TTBK1: variants seen among roughly 807,000 people sequenced by gnomAD.
TTBK1 encodes the protein tau-tubulin kinase 1.
In TTBK1, 34 loss-of-function variants were observed where a neutral mutation model predicts 108.5. That is an observed-to-expected ratio of 0.31 (90% CI 0.24 to 0.42). The LOEUF is 0.42. Among genes scored for constraint, TTBK1 ranks in the 10% least tolerant of loss-of-function variants. The pLI is 1.00. For missense variants in TTBK1, 1,539 were observed against 1,826.0 expected (o/e 0.84, Z 2.86); for synonymous variants, 809 against 795.1 (o/e 1.02, Z -0.29).
Position 43,259,661 on chromosome 6 carries a change from A to C in TTBK1, c.1379A>C (p.Glu460Ala), listed in dbSNP as rs931663779. 3 of 1,608,156 alleles carry C rather than the reference A, an allele frequency of 1.9e-6. No individual in the cohort carries two copies. The South Asian group carries it at 3.3e-5, about 18-fold the overall frequency. Residue 460 changes from glutamate (E) to alanine (A), a missense_variant, in exon 12 of 15, where the codon GAA becomes GCA. By Grantham distance (107) the Glu-to-Ala change is moderately radical. Transcript: ENST00000259750. This position sits in a 1 kb window ranked among gnomAD's most constrained non-coding sequence, Gnocchi z 6.7. Reference sequence around the variant, plus strand: ...CGGAGGGTGAACAGCCCTGAGTCAGAAAGGCTGTCCACGGCGGACGGGCGA... The same window carrying C: ...CGGAGGGTGAACAGCCCTGAGTCAGCAAGGCTGTCCACGGCGGACGGGCGA... ...RYRRVNSPES[E>A]RLSTADGRVE...
chr6:43,269,991 G>A lies in TTBK1; in HGVS notation c.1986+6641G>A. The A allele has an allele frequency of 1.4e-6, 2 of 1,429,234 alleles. No individual in the cohort carries two copies. Among genetic ancestry groups the A allele is most frequent in the Non-Finnish European group, 1.8e-6 (2 of 1,096,358 alleles). 88.5% of individuals were successfully genotyped at this position (1,429,234 alleles called of 1,614,324 possible). A position where few individuals can be genotyped will look rare whatever the true frequency, so the allele number is the denominator to read the frequency against. The stretch of plus-strand genomic sequence containing the variant: ...CTCCTGGAGGGGGCAGGTGGGGGGG[G>A]GTGGGGAGCAGGCAGAGGACCATGG... On this transcript the variant is annotated intron_variant, in intron 13 of 14. Coordinates refer to ENST00000259750, the MANE Select transcript of TTBK1 (RefSeq NM_032538.3). The surrounding 1 kb of genome is among the most constrained non-coding windows in gnomAD (Gnocchi z 4.8).
chr6:43,278,368 G>C (rs1258594593), intron 13 of TTBK1, among the ~76,000 whole-genome samples: 1 of 152,098 alleles, frequency 6.6e-6, no homozygotes, highest in Non-Finnish European at 1.5e-5. Context: ...CATTCTCTCT[G>C]AGGGTATCAG....
intron 14 of TTBK1, 82 bp downstream of exon 14, chr6:43,284,394 C>CTTCTCCAGAACCAAGGTG (rs1562103076): frequency 7.2e-7 from 1 of 1,381,090 alleles, no homozygotes; most frequent in African/African-American, 2.4e-5. Flanking sequence ...GAACCAAGGT[C>CTTCTCCAGAACCAAGGTG]AGGGGCTATG....
At chr6:43,271,179 C>A in intron 13 of TTBK1, 1 of 985,480 alleles carries the variant, frequency 1.0e-6, no homozygotes, top group Non-Finnish European at 1.2e-6. Context: ...AGGGCCGTGC[C>A]TGTATGGGGA....
At position 43,270,960 on chromosome 6, in the gene TTBK1, C is replaced by G. The variant is rs751400303; in HGVS notation, c.1986+7610C>G. 1.8e-4 allele frequency: 179 copies of G among 985,374 alleles called. 2 individuals are homozygous for G. Among genetic ancestry groups the G allele is most frequent in the Non-Finnish European group, 2.1e-4 (173 of 829,966 alleles). The allele number at this position is 985,374 out of a possible 1,614,324, so 61.0% of individuals were successfully genotyped here. A position where few individuals can be genotyped will look rare whatever the true frequency, so the allele number is the denominator to read the frequency against. ...AGCCCCAAGGGCGGTGGTGAAGACACAGCAGAAGAGAGGCAGGTTGGATAG... is the reference window on the plus strand; with the variant it reads ...AGCCCCAAGGGCGGTGGTGAAGACAGAGCAGAAGAGAGGCAGGTTGGATAG... On this transcript the variant is annotated intron_variant, in intron 13 of 14. Transcript: ENST00000259750.
At chr6:43,255,673 G>T (rs745583278) in intron 8 of TTBK1, 29 bp downstream of exon 8, 2 of 1,614,142 alleles carry the variant, frequency 1.2e-6, no homozygotes, top group Non-Finnish European at 1.7e-6. Flanking sequence ...GGTCTGAGGT[G>T]GCAGAAGGAG....
chr6:43,246,659 G>C lies in TTBK1; in HGVS notation c.-2G>C. 6.3e-7 allele frequency: 1 copy of C among 1,598,356 alleles called. No homozygotes were observed. Among genetic ancestry groups the C allele is most frequent in the Non-Finnish European group, 8.5e-7 (1 of 1,171,636 alleles). ...GCGGACACCCCTCCCTCTGGCTGGC[G>C]GATGCAGTGCCTAGCGGCCGCCCTT... On this transcript the variant is annotated 5_prime_UTR_variant, in exon 2 of 15. Transcript: ENST00000259750.
At position 43,284,190 on chromosome 6, in the gene TTBK1, C is replaced by G; in HGVS notation, c.3450C>G (p.Ala1150=). 1 of 1,574,020 alleles carries G rather than the reference C, an allele frequency of 6.4e-7. No individual in the cohort carries two copies. Among genetic ancestry groups the G allele is most frequent in the Non-Finnish European group, 8.6e-7 (1 of 1,167,864 alleles). ...TGCCCAGGAAGAGCGGGAGGGCAGC[C>G]GCCACCAGGAGCCGGATTCCCCGCC... ...AALPRKSGRA[A]ATRSRIPRPI... is the part of the protein sequence containing the mutation. The change falls in exon 14 of 15, where the codon GCC becomes GCG. Residue 1150 remains alanine, a synonymous_variant. Transcript: ENST00000259750.
In TTBK1 at chr6:43,253,160, G is replaced by T; in HGVS notation, c.257-131G>T. ...ACATGATGAGGCTAGGGCCAGGGAG[G>T]TGGCAAGACAGGTGCTCACAGGGCC... is the stretch of plus-strand genomic sequence containing the variant. On this transcript the variant is annotated intron_variant, in intron 3 of 14. Transcript: ENST00000259750. This position sits in a 1 kb window ranked among gnomAD's most constrained non-coding sequence, Gnocchi z 5.8. 1.9e-6 allele frequency: 2 copies of T among 1,055,298 alleles called. No homozygotes were observed. The highest frequency in any genetic ancestry group is 2.9e-6 in the Non-Finnish European group (2 of 685,992). The allele number at this position is 1,055,298 out of a possible 1,614,324, so 65.4% of individuals were successfully genotyped here. A position where few individuals can be genotyped will look rare whatever the true frequency, so the allele number is the denominator to read the frequency against.
Position 43,263,093 on chromosome 6 carries a change from C to G in TTBK1, c.1729C>G (p.Leu577Val). The G allele has an allele frequency of 6.4e-7, 1 of 1,571,274 alleles. No homozygotes were observed. The highest frequency in any genetic ancestry group is 8.6e-7 in the Non-Finnish European group (1 of 1,158,188). The change falls in exon 13 of 15, where the codon CTG becomes GTG. Residue 577 changes from leucine (L) to valine (V), a missense_variant. Around this residue, in one of 5 missense-constraint regions of TTBK1, gnomAD observed 1,055 missense variants for 1,086.5 expected, o/e 0.97. Transcript: ENST00000259750. This position sits in a 1 kb window ranked among gnomAD's most constrained non-coding sequence, Gnocchi z 4.7. ...TDEEPEELRP[L>V]PEEGEERRRL... ...TGAGGAGCCCGAGGAGCTGCGGCCA[C>G]TGCCCGAGGAGGGCGAAGAGCGGCG...
In TTBK1 at chr6:43,243,713, G is replaced by A. The variant is rs1295036138; in HGVS notation, c.-55+5G>A. 1 of 151,090 alleles carries A rather than the reference G, an allele frequency of 6.6e-6. No individual in the cohort carries two copies. The highest frequency in any genetic ancestry group is 1.5e-5 in the Non-Finnish European group (1 of 67,190). 9.4% of individuals were successfully genotyped at this position (151,090 alleles called of 1,614,324 possible). A position where few individuals can be genotyped will look rare whatever the true frequency, so the allele number is the denominator to read the frequency against. On this transcript the variant is annotated splice_donor_5th_base_variant and intron_variant, in intron 1 of 14. Transcript: ENST00000259750. The surrounding 1 kb of genome is among the most constrained non-coding windows in gnomAD (Gnocchi z 5.5). Reference sequence around the variant, plus strand: ...GCCGCAGCGGGCACAGAGCAGGTGAGGCGGGGCGGGGCGGGCCGGGGTCGG... The same window carrying A: ...GCCGCAGCGGGCACAGAGCAGGTGAAGCGGGGCGGGGCGGGCCGGGGTCGG...
chr6:43,254,711 G>C, intron 6 of TTBK1, 60 bp downstream of exon 6: 1 of 1,453,322 alleles, frequency 6.9e-7, no homozygotes, highest in Non-Finnish European at 9.3e-7. Context: ...CAGATCTGGG[G>C]ACCCTTCACC....
Position 43,269,131 on chromosome 6 carries a change from A to G in TTBK1, c.1986+5781A>G, listed in dbSNP as rs1777756832. Among the ~76,000 whole-genome samples the G allele has an allele frequency of 6.6e-6, 1 of 152,160 alleles. No individual in the cohort carries two copies. Among genetic ancestry groups the G allele is most frequent in the Non-Finnish European group, 1.5e-5 (1 of 68,016 alleles). ...GAGTACCACCTTATGCCGCATGGTC[A>G]CCCCGATCCCAACACCTCCCTGTGA... On this transcript the variant is annotated intron_variant, in intron 13 of 14. Transcript: ENST00000259750. The surrounding 1 kb of genome is among the most constrained non-coding windows in gnomAD (Gnocchi z 4.8).
chr6:43,282,678 C>A lies in TTBK1; in HGVS notation c.1987-49C>A, dbSNP rs1193637387. 2 of 1,504,854 alleles carry A rather than the reference C, an allele frequency of 1.3e-6. No homozygotes were observed. The highest frequency in any genetic ancestry group is 1.4e-5 in the African/African-American group (1 of 71,322). 93.2% of individuals were successfully genotyped at this position (1,504,854 alleles called of 1,614,324 possible). ...TGGGTGCAGCTGAAGTCTTCCTGGG[C>A]CCAGGAGGGTGGGTGACCTCAGAGG... On this transcript the variant is annotated intron_variant, in intron 13 of 14. Transcript: ENST00000259750. The surrounding 1 kb of genome is among the most constrained non-coding windows in gnomAD (Gnocchi z 5.4).
chr6:43,261,645 T>C (rs530161157), intron 12 of TTBK1, among the ~76,000 whole-genome samples: 1 of 152,030 alleles, frequency 6.6e-6, no homozygotes, highest in Admixed American at 6.5e-5. Context: ...TGAAACCCCA[T>C]CTCTACTAAA....
In TTBK1 at chr6:43,282,811, G is replaced by T. The variant is rs1342256893; in HGVS notation, c.2071G>T (p.Asp691Tyr). The T allele has an allele frequency of 6.2e-7, 1 of 1,613,970 alleles. No individual in the cohort carries two copies. The highest frequency in any genetic ancestry group is 8.5e-7 in the Non-Finnish European group (1 of 1,180,024). ...LSLPYQDFKR[D>Y]LSDYRERARL... ...TCTGCCCTACCAGGACTTCAAAAGA[G>T]ACCTCTCCGATTACCGAGAACGGGC... The change falls in exon 14 of 15, where the codon GAC becomes TAC. Residue 691 changes from aspartate to tyrosine, a missense_variant. By Grantham distance (160) the Asp-to-Tyr change is radical. Transcript: ENST00000259750. This position sits in a 1 kb window ranked among gnomAD's most constrained non-coding sequence, Gnocchi z 5.4.
intron 13 of TTBK1, among the ~76,000 whole-genome samples, chr6:43,278,155 C>CA (rs566015744): frequency 5.6e-4 from 85 of 152,270 alleles, no homozygotes; most frequent in Admixed American, 4.8e-3. Context: ...GCCCCGTCTC[C>CA]AGTGTCGGTG....
intron 9 of TTBK1, among the ~76,000 whole-genome samples, chr6:43,256,077 C>T (rs758346751): frequency 5.9e-5 from 9 of 152,076 alleles, no homozygotes; most frequent in Non-Finnish European, 1.0e-4. Context: ...CATGCATTCA[C>T]TCATTTAAGC....
chr6:43,285,198 C>T lies in TTBK1; in HGVS notation c.3788C>T (p.Ser1263Leu). Reference sequence around the variant, plus strand: ...TCCCGCAGAGAGAGCCCCTCCCCCTCGCACCAGGCCCGGCCCGGGGTCCCC... The same window carrying T: ...TCCCGCAGAGAGAGCCCCTCCCCCTTGCACCAGGCCCGGCCCGGGGTCCCC... ...SLSRRESPSP[S>L]HQARPGVPPP... The change falls in exon 15 of 15, where the codon TCG (serine) becomes TTG (leucine). Residue 1263 changes from serine (S) to leucine (L), a missense_variant. Transcript: ENST00000259750. The surrounding 1 kb of genome is among the most constrained non-coding windows in gnomAD (Gnocchi z 4.7). 7.5e-7 allele frequency: 1 copy of T among 1,339,674 alleles called. No homozygotes were observed. Among genetic ancestry groups the T allele is most frequent in the Non-Finnish European group, 9.5e-7 (1 of 1,050,166 alleles). 83.0% of individuals were successfully genotyped at this position (1,339,674 alleles called of 1,614,324 possible).
Sources: allele counts gnomAD v4.1 joint callset (sites outside exome capture counted in the v4.1 genomes callset), GRCh38; gene constraint gnomAD v4.1.1; regional missense constraint gnomAD v4.1.1; non-coding constraint Gnocchi (gnomAD v3.1); transcripts MANE v1.5; gene names NCBI Gene and HGNC (gene_info 2026-07-23, HGNC 2026-07-21).